SEMA6D: variants seen among roughly 807,000 people sequenced by gnomAD.
SEMA6D encodes the protein semaphorin 6D, also known as semaphorin-6D.
In SEMA6D, 35 loss-of-function variants were observed where a neutral mutation model predicts 106.6. The observed-to-expected ratio is 0.33, with a 90% CI of 0.25 to 0.44. SEMA6D has a LOEUF of 0.44. SEMA6D is among the 20% of genes least tolerant of loss of function. SEMA6D has a pLI of 1.00. For missense variants in SEMA6D, 1,185 were observed against 1,345.9 expected (o/e 0.88, Z 1.87); for synonymous variants, 499 against 487.7 (o/e 1.02, Z -0.31).
chr15:47,471,929 TCTCACACACACACA>T (rs1298641828), intron 3 of SEMA6D, among the ~76,000 whole-genome samples: 4 of 106,002 alleles, frequency 3.8e-5, no homozygotes, highest in African/African-American at 1.5e-4. Flanking sequence ...TCTCTCTCTC[TCTCACACACACACA>T]CACACACACA....
chr15:47,227,030 C>G (rs2031726736), intron 1 of SEMA6D, among the ~76,000 whole-genome samples: 1 of 152,018 alleles, frequency 6.6e-6, no homozygotes, highest in Non-Finnish European at 1.5e-5. Context: ...TCCTGCCAGC[C>G]AAAGGTGTAA....
chr15:47,429,922 C>A (rs1229808714), intron 2 of SEMA6D, among the ~76,000 whole-genome samples: 1 of 152,042 alleles, frequency 6.6e-6, no homozygotes, highest in Non-Finnish European at 1.5e-5. Context: ...TACCTTCTTG[C>A]ACCTTTAAAT....
chr15:47,302,391 A>G (rs2036057529), intron 1 of SEMA6D, among the ~76,000 whole-genome samples: 1 of 152,218 alleles, frequency 6.6e-6, no homozygotes, highest in South Asian at 2.1e-4. Flanking sequence ...TGAAAAATGA[A>G]AAAAGAAAAG....
At chr15:47,747,140 T>C (rs1412327339) in intron 1 of SEMA6D, among the ~76,000 whole-genome samples, 1 of 152,252 alleles carries the variant, frequency 6.6e-6, no homozygotes, top group Non-Finnish European at 1.5e-5. Context: ...ATATTCTCAT[T>C]AGTTTCTTGT....
At chr15:47,562,543 A>G (rs1036418221) in intron 3 of SEMA6D, among the ~76,000 whole-genome samples, 7 of 152,086 alleles carry the variant, frequency 4.6e-5, no homozygotes, top group Non-Finnish European at 8.8e-5. Context: ...ATCTGGTAAG[A>G]CTTGAATAGA....
chr15:47,723,476 C>CG (rs1324415687), intron 1 of SEMA6D, among the ~76,000 whole-genome samples: 1 of 152,084 alleles, frequency 6.6e-6, no homozygotes, highest in Non-Finnish European at 1.5e-5. Context: ...TCCCATTTCC[C>CG]GGGGGGAATT....
intron 1 of SEMA6D, among the ~76,000 whole-genome samples, chr15:47,739,361 T>A (rs1384024948): frequency 5.9e-5 from 9 of 152,168 alleles, no homozygotes; most frequent in African/African-American, 2.2e-4. Context: ...CTAGTCTACC[T>A]TTTCCACAAC....
chr15:47,535,286 A>G (rs2045123001), intron 3 of SEMA6D, among the ~76,000 whole-genome samples: 1 of 152,112 alleles, frequency 6.6e-6, no homozygotes, highest in African/African-American at 2.4e-5. Flanking sequence ...TCCAAACCCT[A>G]TGAGGTAGAT....
intron 2 of SEMA6D, among the ~76,000 whole-genome samples, chr15:47,438,086 T>C (rs920511336): frequency 4.6e-5 from 7 of 152,156 alleles, no homozygotes; most frequent in African/African-American, 1.7e-4. Flanking sequence ...CCCACAAAGG[T>C]TATTCAGCTT....
intron 8 of SEMA6D, 25 bp downstream of exon 8, chr15:47,762,344 G>A (rs1371159896): frequency 1.2e-6 from 2 of 1,610,544 alleles, no homozygotes; most frequent in Middle Eastern, 1.7e-4. Context: ...CAGTGTCGTG[G>A]GGTCACCAGG....
intron 1 of SEMA6D, among the ~76,000 whole-genome samples, chr15:47,745,120 A>G (rs2081053162): frequency 6.6e-6 from 1 of 152,228 alleles, no homozygotes; most frequent in Non-Finnish European, 1.5e-5. Context: ...GAACAAATGT[A>G]GATAAGGGTT....
At chr15:47,543,534 T>C (rs2045422197) in intron 3 of SEMA6D, among the ~76,000 whole-genome samples, 1 of 152,178 alleles carries the variant, frequency 6.6e-6, no homozygotes, top group South Asian at 2.1e-4. Context: ...CTTTCCTTTA[T>C]AAATTCCCAG....
At chr15:47,726,391 G>A (rs998809950) in intron 1 of SEMA6D, among the ~76,000 whole-genome samples, 8 of 152,230 alleles carry the variant, frequency 5.3e-5, no homozygotes, top group Admixed American at 3.9e-4. Flanking sequence ...ATTCTTTGAC[G>A]TGAGTAACAT....
At chr15:47,555,662 T>C (rs1166255765) in intron 3 of SEMA6D, among the ~76,000 whole-genome samples, 1 of 152,164 alleles carries the variant, frequency 6.6e-6, no homozygotes, top group Admixed American at 6.6e-5. Flanking sequence ...TCAGAAAGTC[T>C]AAGGAGCCAG....
chr15:47,668,412 A>C (rs540336065), intron 4 of SEMA6D, among the ~76,000 whole-genome samples: 3 of 152,210 alleles, frequency 2.0e-5, no homozygotes, highest in Non-Finnish European at 4.4e-5. Flanking sequence ...TGTATACACT[A>C]TTCCAACATC....
At chr15:47,523,038 G>C (rs2044639035) in intron 3 of SEMA6D, among the ~76,000 whole-genome samples, 1 of 152,170 alleles carries the variant, frequency 6.6e-6, no homozygotes, top group Non-Finnish European at 1.5e-5. Context: ...AACCCACCAG[G>C]GAGGCAGTGG....
intron 4 of SEMA6D, among the ~76,000 whole-genome samples, chr15:47,690,400 A>G (rs76568542): frequency 0.017 from 2,652 of 152,322 alleles, 63 homozygotes; most frequent in African/African-American, 0.061. Context: ...AAAATAGACA[A>G]TTAGCATCCA....
intron 1 of SEMA6D, among the ~76,000 whole-genome samples, chr15:47,227,937 TTATA>T (rs1387865358): frequency 7.0e-6 from 1 of 143,292 alleles, no homozygotes; most frequent in African/African-American, 2.5e-5. Flanking sequence ...TATAAGAATC[TTATA>T]TATATTTTTA....
At chr15:47,673,277 A>T (rs1283535134) in intron 4 of SEMA6D, among the ~76,000 whole-genome samples, 7 of 152,250 alleles carry the variant, frequency 4.6e-5, no homozygotes, top group Admixed American at 4.6e-4. Context: ...CTGAAATAAT[A>T]TTAAGCTCAG....
Sources: gnomAD v4.1 joint callset for allele counts (sites outside exome capture counted in the v4.1 genomes callset) on GRCh38, gnomAD v4.1.1 for gene constraint, MANE v1.5 for transcripts, NCBI Gene and HGNC (gene_info 2026-07-23, HGNC 2026-07-21) for gene names.